Variants in FXR1 observed in about 807,000 individuals in gnomAD.
The protein encoded by FXR1 is FMR1 autosomal homolog 1.
A neutral mutation model predicts 84.0 loss-of-function variants in FXR1; 15 were observed. That is an observed-to-expected ratio of 0.18 (90% CI 0.12 to 0.27). The LOEUF (loss-of-function observed/expected upper bound fraction) is 0.27. FXR1 is among the 10% of genes least tolerant of loss of function. The pLI is 1.00. For synonymous variants in FXR1, 245 were observed against 250.7 expected (o/e 0.98, Z 0.21); for missense variants, 480 against 774.4 (o/e 0.62, Z 4.51).
rs758535313 is a variant in FXR1, at chr3:180,963,041, T to C, written c.1149T>C (p.Tyr383=). ...EQLRQIGSRS[Y]SGRGRGRRGP... The stretch of plus-strand genomic sequence containing the variant: ...CTTCTGTACAAGGTTCTAGGTCTTA[T>C]AGCGGAAGAGGCAGAGGTCGTCGGG... The change falls in exon 13 of 17, where the codon TAT becomes TAC. Residue 383 remains tyrosine, a synonymous_variant. Transcript: ENST00000357559. The C allele has an allele frequency of 1.5e-5, 24 of 1,607,754 alleles. 1 individual carries two copies. Among genetic ancestry groups the C allele is most frequent in the South Asian group, 1.2e-4 (11 of 90,948 alleles).
chr3:180,936,503 G>C (rs1454332133), intron 3 of FXR1, among the ~76,000 whole-genome samples: 1 of 152,078 alleles, frequency 6.6e-6, no homozygotes, highest in Non-Finnish European at 1.5e-5. Flanking sequence ...CCTGACCTCA[G>C]GTGATCCGCC....
At chr3:180,971,564 T>C (rs1351254431) in intron 15 of FXR1, 2 of 152,652 alleles carry the variant, frequency 1.3e-5, no homozygotes, top group East Asian at 3.8e-4. Flanking sequence ...CACCTCATTT[T>C]TGTGGGAGTT....
Position 180,958,769 on chromosome 3 carries a change from C to G in FXR1, c.990+841C>G, listed in dbSNP as rs576922614. Among the ~76,000 whole-genome samples the G allele has an allele frequency of 6.9e-4, 105 of 151,536 alleles. 1 individual carries two copies. Among genetic ancestry groups the G allele is most frequent in the African/African-American group, 2.2e-3 (93 of 41,354 alleles). On this transcript the variant is annotated intron_variant, in intron 10 of 16. Coordinates refer to ENST00000357559, the MANE Select transcript of FXR1 (RefSeq NM_005087.4). ...CCATTTCTTAATTGAAATCCCCTTA[C>G]ACTTTTACATTGCTATAGAATCTGA...
intron 1 of FXR1, among the ~76,000 whole-genome samples, chr3:180,923,379 A>C (rs976653924): frequency 6.6e-5 from 10 of 152,170 alleles, no homozygotes; most frequent in Non-Finnish European, 1.5e-4. Context: ...CTTTTTGGCA[A>C]ATAAGGCCAG....
At chr3:180,972,445 C>A (rs895794548) in intron 15 of FXR1, among the ~76,000 whole-genome samples, 2 of 152,066 alleles carry the variant, frequency 1.3e-5, no homozygotes, top group Admixed American at 1.3e-4. Flanking sequence ...GACAGTGAGA[C>A]CCTGTCTCAA....
At position 180,938,634 on chromosome 3, in the gene FXR1, C is replaced by T. The variant is rs528025851; in HGVS notation, c.198+3403C>T. 3.9e-5 allele frequency among the ~76,000 whole-genome samples: 6 copies of T among 152,182 alleles called. 1 individual carries two copies. Among genetic ancestry groups the T allele is most frequent in the African/African-American group, 1.2e-4 (5 of 41,534 alleles). The stretch of plus-strand genomic sequence containing the variant: ...TGCGATCTCGGCTCACTACAACCTC[C>T]ACCTCCCGGGTTCAAGCGATTCTCC... On this transcript the variant is annotated intron_variant, in intron 3 of 16. Transcript: ENST00000357559.
rs185999941 is a variant in FXR1 at position 180,980,678 on chromosome 3, C to T, written c.*4386C>T. 28 of 152,060 alleles carry T rather than the reference C, an allele frequency of 1.8e-4. No individual in the cohort carries two copies. The highest frequency in any genetic ancestry group is 4.1e-4 in the Non-Finnish European group (28 of 67,894). The allele number at this position is 152,060 out of a possible 1,614,324, so 9.4% of individuals were successfully genotyped here. ...AGGTGTTAGCAAATGTTAACCATAACAGATTATCCCATATCATTGGACTGT... is the reference window on the plus strand; with the variant it reads ...AGGTGTTAGCAAATGTTAACCATAATAGATTATCCCATATCATTGGACTGT... On this transcript the variant is annotated 3_prime_UTR_variant, in exon 17 of 17. Coordinates refer to ENST00000357559, the MANE Select transcript of FXR1 (RefSeq NM_005087.4).
intron 1 of FXR1, among the ~76,000 whole-genome samples, chr3:180,930,728 A>G (rs1470469995): frequency 1.3e-5 from 2 of 152,190 alleles, no homozygotes; most frequent in Non-Finnish European, 2.9e-5. Flanking sequence ...TGTGCTGACC[A>G]AAGTGATTTT....
intron 15 of FXR1, among the ~76,000 whole-genome samples, chr3:180,974,465 A>G (rs747750446): frequency 6.6e-6 from 1 of 152,140 alleles, no homozygotes; most frequent in Non-Finnish European, 1.5e-5. Context: ...TCTTGAAGAG[A>G]GAGTGTTGAT....
chr3:180,980,036 T>C lies in FXR1; in HGVS notation c.*3744T>C, dbSNP rs1714535678. The C allele has an allele frequency of 6.6e-6, 1 of 152,082 alleles. No individual in the cohort carries two copies. The highest frequency in any genetic ancestry group is 1.5e-5 in the Non-Finnish European group (1 of 67,924). The allele number at this position is 152,082 out of a possible 1,614,324, so 9.4% of individuals were successfully genotyped here. On this transcript the variant is annotated 3_prime_UTR_variant, in exon 17 of 17. Coordinates refer to ENST00000357559, the MANE Select transcript of FXR1 (RefSeq NM_005087.4). ...GGTACAGAATTAGAAGCTGCTATTTTAGCTCTATTAACTTTTTCTCTATGG... is the reference window on the plus strand; with the variant it reads ...GGTACAGAATTAGAAGCTGCTATTTCAGCTCTATTAACTTTTTCTCTATGG...
intron 15 of FXR1, chr3:180,971,198 G>GA (rs1369035084): frequency 1.4e-5 from 9 of 663,706 alleles, no homozygotes; most frequent in Admixed American, 4.1e-5. Context: ...TCACAAGCAT[G>GA]AAAAAAATGT....
chr3:180,961,447 C>A (rs1320863981), intron 10 of FXR1, 21 bp from the exon 11 acceptor site: 3 of 1,039,508 alleles, frequency 2.9e-6, no homozygotes, highest in African/African-American at 1.8e-5. Flanking sequence ...ACACTGAATA[C>A]TTTTTTTTTT....
intron 9 of FXR1, among the ~76,000 whole-genome samples, chr3:180,954,987 A>T (rs1018336606): frequency 2.1e-4 from 28 of 132,694 alleles, no homozygotes; most frequent in South Asian, 1.2e-3. Context: ...GTAAAAATAA[A>T]TTTTTTTTTT....
intron 3 of FXR1, among the ~76,000 whole-genome samples, chr3:180,935,533 C>G (rs556607933): frequency 6.6e-6 from 1 of 152,280 alleles, no homozygotes; most frequent in Non-Finnish European, 1.5e-5. Context: ...TGGTGTTACC[C>G]TTTTCCTTCT....
At chr3:180,939,695 G>A (rs1169787623) in intron 3 of FXR1, among the ~76,000 whole-genome samples, 1 of 152,160 alleles carries the variant, frequency 6.6e-6, no homozygotes, top group Non-Finnish European at 1.5e-5. Context: ...TCCAAGGTTA[G>A]TCTGGAGGTT....
chr3:180,971,728 CTTAG>C (rs1390419308), intron 15 of FXR1: 1 of 148,810 alleles, frequency 6.7e-6, no homozygotes, highest in Admixed American at 6.7e-5. Context: ...ATAATACTTA[CTTAG>C]TTTTAGAATG....
chr3:180,928,215 C>A (rs1019895281), intron 1 of FXR1, among the ~76,000 whole-genome samples: 1 of 151,530 alleles, frequency 6.6e-6, no homozygotes, highest in Admixed American at 6.6e-5. Flanking sequence ...GAGTCCATTC[C>A]TTCCCCATTT....
At chr3:180,938,182 T>G (rs1264831479) in intron 3 of FXR1, among the ~76,000 whole-genome samples, 1 of 152,182 alleles carries the variant, frequency 6.6e-6, no homozygotes, top group African/African-American at 2.4e-5. Context: ...AGAGTTAAAG[T>G]TAATATTCTT....
intron 14 of FXR1, among the ~76,000 whole-genome samples, chr3:180,969,249 G>T (rs912920202): frequency 6.6e-6 from 1 of 152,124 alleles, no homozygotes; most frequent in African/African-American, 2.4e-5. Flanking sequence ...AGTTACCAAG[G>T]TGTTTAAAAT....
Sources: gnomAD v4.1 joint callset for allele counts (sites outside exome capture counted in the v4.1 genomes callset) on GRCh38, gnomAD v4.1.1 for gene constraint, MANE v1.5 for transcripts, NCBI Gene and HGNC (gene_info 2026-07-23, HGNC 2026-07-21) for gene names.